TRAF3: variants seen among roughly 807,000 people sequenced by gnomAD.
TRAF3 encodes TNF receptor-associated factor 3.
TRAF3 carries 13 observed loss-of-function variants against 62.3 expected under a neutral mutation model. The ratio of observed to expected loss-of-function variants is 0.21; its 90% CI spans 0.14 to 0.33. The LOEUF (loss-of-function observed/expected upper bound fraction) is 0.33. Among genes scored for constraint, TRAF3 ranks in the 10% least tolerant of loss-of-function variants. The probability of loss-of-function intolerance (pLI) is 1.00; values close to 1 mark genes in which losing one functional copy is unlikely to be tolerated. For missense variants in TRAF3, 440 were observed against 741.8 expected, an observed-to-expected ratio of 0.59 and a Z score of 4.73; for synonymous variants, 269 against 283.4, an observed-to-expected ratio of 0.95 and a Z score of 0.51.
intron 3 of TRAF3, among the ~76,000 whole-genome samples, chr14:102,871,106 C>G (rs1163315161): frequency 1.3e-5 from 2 of 152,214 alleles, no homozygotes; most frequent in East Asian, 3.9e-4. Flanking sequence ...CTGGTCTTGG[C>G]CACTGCCGTC....
chr14:102,811,550 G>GTTTTTTTTTTTTTTTTTTTTTT (rs35064640), intron 1 of TRAF3, among the ~76,000 whole-genome samples: 1 of 79,502 alleles, frequency 1.3e-5, no homozygotes, highest in Non-Finnish European at 2.3e-5. Context: ...GCTGTAGGCG[G>GTTTTTTTTTTTTTTTTTTTTTT]TTTTTTTTTT....
chr14:102,863,910 T>C (rs1214243802), intron 2 of TRAF3, among the ~76,000 whole-genome samples: 1 of 152,146 alleles, frequency 6.6e-6, no homozygotes, highest in Non-Finnish European at 1.5e-5. Flanking sequence ...TCTTTGCCGA[T>C]GAGGCCCATT....
At chr14:102,783,737 C>G (rs925574280) in intron 1 of TRAF3, among the ~76,000 whole-genome samples, 10 of 152,166 alleles carry the variant, frequency 6.6e-5, no homozygotes, top group Admixed American at 3.3e-4. Flanking sequence ...GCTGTCCACC[C>G]CACAGCTGGA....
rs1310697452 is a variant in TRAF3, at chr14:102,839,210, C to CCTTTTTTTTT, written c.-18+8738_-18+8739insCTTTTTTTTT. On this transcript the variant is annotated intron_variant, in intron 2 of 11. Transcript: ENST00000392745. Reference sequence around the variant, plus strand: ...GAGAGATGCTTATTGGTTGATTTGCCTTTTTTTTTTTTTTTTTTTTTTTTT... The same window carrying CCTTTTTTTTT: ...GAGAGATGCTTATTGGTTGATTTGCCCTTTTTTTTTTTTTTTTTTTTTTTTTTTTTTTTTT... 6.7e-5 allele frequency among the ~76,000 whole-genome samples: 6 copies of CCTTTTTTTTT among 89,836 alleles called. 2 individuals carry two copies. The highest frequency in any genetic ancestry group is 1.8e-4 in the African/African-American group (4 of 22,590). The allele number at this position is 89,836 out of a possible 152,430, so 58.9% of individuals were successfully genotyped here. A position where few individuals can be genotyped will look rare whatever the true frequency, so the allele number is the denominator to read the frequency against.
intron 1 of TRAF3, among the ~76,000 whole-genome samples, chr14:102,798,913 T>C (rs914718092): frequency 2.0e-5 from 3 of 152,172 alleles, no homozygotes; most frequent in Non-Finnish European, 2.9e-5. Context: ...CGTGACACTT[T>C]ATGAAGGAGG....
At chr14:102,861,571 C>G (rs1400411125) in intron 2 of TRAF3, among the ~76,000 whole-genome samples, 4 of 152,144 alleles carry the variant, frequency 2.6e-5, no homozygotes, top group Non-Finnish European at 5.9e-5. Context: ...GTGCTGCAGT[C>G]TATTTCCTTT....
intron 9 of TRAF3, among the ~76,000 whole-genome samples, chr14:102,892,366 G>A (rs1376441712): frequency 6.6e-6 from 1 of 152,174 alleles, no homozygotes; most frequent in Non-Finnish European, 1.5e-5. Flanking sequence ...CCTCCATGCT[G>A]TTCTTAAGAG....
chr14:102,791,112 C>T (rs1427279767), intron 1 of TRAF3, among the ~76,000 whole-genome samples: 4 of 151,590 alleles, frequency 2.6e-5, no homozygotes, highest in Non-Finnish European at 2.9e-5. Context: ...CTCCGCCTCC[C>T]GGGTTCATGC....
chr14:102,871,380 G>C (rs1470122566), intron 3 of TRAF3, among the ~76,000 whole-genome samples: 8 of 152,232 alleles, frequency 5.3e-5, no homozygotes, highest in Non-Finnish European at 1.2e-4. Context: ...TAACACAAGA[G>C]CCTGGACTAC....
chr14:102,876,343 T>TGA lies in TRAF3; in HGVS notation c.403-14_403-13insAG. 6.2e-7 allele frequency: 1 copy of TGA among 1,613,946 alleles called. No individual in the cohort carries two copies. ...TTTTTTCCCAATTAAGAACATTGAATGGTCTGTCTTACAGGTGCATTTAAA... is the reference window on the plus strand; with the variant it reads ...TTTTTTCCCAATTAAGAACATTGAATGAGGTCTGTCTTACAGGTGCATTTAAA... On this transcript the variant is annotated splice_polypyrimidine_tract_variant and intron_variant, in intron 5 of 11. Transcript: ENST00000392745.
intron 9 of TRAF3, among the ~76,000 whole-genome samples, chr14:102,895,575 C>T (rs1383695291): frequency 5.9e-5 from 9 of 152,322 alleles, no homozygotes; most frequent in Admixed American, 3.9e-4. Flanking sequence ...AGGCACACAT[C>T]GGATCTGGCA....
At chr14:102,793,144 C>T (rs774486182) in intron 1 of TRAF3, among the ~76,000 whole-genome samples, 18 of 151,984 alleles carry the variant, frequency 1.2e-4, no homozygotes, top group African/African-American at 2.7e-4. Flanking sequence ...TTTTTGACTT[C>T]GGTATCTGGG....
intron 2 of TRAF3, among the ~76,000 whole-genome samples, chr14:102,862,098 T>C (rs1172528336): frequency 2.0e-5 from 3 of 152,210 alleles, no homozygotes; most frequent in Non-Finnish European, 4.4e-5. Context: ...GCTTATACTT[T>C]TGTTGTTGTA....
rs942305349 is a variant in TRAF3, at chr14:102,826,669, G to C, written c.-156-3665G>C. 4.6e-5 allele frequency among the ~76,000 whole-genome samples: 7 copies of C among 152,208 alleles called. No individual in the cohort carries two copies. Among genetic ancestry groups the C allele is most frequent in the Admixed American group, 2.6e-4 (4 of 15,280 alleles). The stretch of plus-strand genomic sequence containing the variant: ...TGTTACTAGAATTGGGGAGTGACCA[G>C]TAGATTCTTTAATTTGTTTATTCAT... On this transcript the variant is annotated intron_variant, in intron 1 of 11. Coordinates refer to ENST00000392745, the MANE Select transcript of TRAF3 (RefSeq NM_145725.3). The surrounding 1 kb of genome is among the most constrained non-coding windows in gnomAD (Gnocchi z 4.6).
intron 10 of TRAF3, among the ~76,000 whole-genome samples, chr14:102,900,491 A>G (rs35230969): frequency 0.014 from 2,197 of 152,328 alleles, 23 homozygotes; most frequent in Non-Finnish European, 0.019. Flanking sequence ...ACAGAGCAAG[A>G]CTGTCTCAAA....
chr14:102,888,395 G>A (rs1373344161), intron 7 of TRAF3, among the ~76,000 whole-genome samples: 4 of 152,150 alleles, frequency 2.6e-5, no homozygotes, highest in Non-Finnish European at 5.9e-5. Flanking sequence ...AGCAGTGGCC[G>A]CATGGGCCCC....
intron 6 of TRAF3, among the ~76,000 whole-genome samples, chr14:102,878,533 A>C (rs1034105707): frequency 6.6e-6 from 1 of 152,166 alleles, no homozygotes; most frequent in African/African-American, 2.4e-5. Flanking sequence ...TTGGGTACCT[A>C]CTGTGCGCCG....
intron 8 of TRAF3, among the ~76,000 whole-genome samples, chr14:102,890,594 A>T (rs956243992): frequency 1.1e-4 from 16 of 152,204 alleles, no homozygotes; most frequent in Non-Finnish European, 1.6e-4. Context: ...TACAGAGTAT[A>T]TGTTTTGGAG....
At chr14:102,878,661 A>G (rs1404502204) in intron 6 of TRAF3, among the ~76,000 whole-genome samples, 2 of 152,202 alleles carry the variant, frequency 1.3e-5, no homozygotes, top group Non-Finnish European at 2.9e-5. Context: ...GGTGGCATCA[A>G]GGGAAGAGAG....
Sources: allele counts gnomAD v4.1 joint callset (sites outside exome capture counted in the v4.1 genomes callset), GRCh38; gene constraint gnomAD v4.1.1; non-coding constraint Gnocchi (gnomAD v3.1); transcripts MANE v1.5; gene names NCBI Gene and HGNC (gene_info 2026-07-23, HGNC 2026-07-21).